Variants in RTN1 observed in about 807,000 individuals in gnomAD.
The protein encoded by RTN1 is reticulon-1.
In RTN1, 25 loss-of-function variants were observed where a neutral mutation model predicts 65.5. The ratio of observed to expected loss-of-function variants is 0.38; its 90% CI spans 0.28 to 0.53. The LOEUF (loss-of-function observed/expected upper bound fraction) is 0.53. RTN1 is among the 20% of genes least tolerant of loss of function. The pLI, the probability that RTN1 is intolerant of heterozygous loss-of-function variation, is 0.79. For synonymous variants in RTN1, 471 were observed against 447.6 expected (o/e 1.05, Z -0.66); for missense variants, 983 against 1,025.4 (o/e 0.96, Z 0.57).
At chr14:59,751,897 C>T (rs1024909632) in intron 1 of RTN1, among the ~76,000 whole-genome samples, 11 of 152,180 alleles carry the variant, frequency 7.2e-5, no homozygotes, top group Non-Finnish European at 1.0e-4. Flanking sequence ...ATGTGAATTC[C>T]ACCTGGTCAC....
intron 1 of RTN1, among the ~76,000 whole-genome samples, chr14:59,763,415 C>T (rs919341763): frequency 1.3e-5 from 2 of 151,992 alleles, no homozygotes; most frequent in Admixed American, 6.6e-5. Context: ...CAGGAAACTA[C>T]ATCAAGATTT....
intron 1 of RTN1, among the ~76,000 whole-genome samples, chr14:59,793,653 C>CAG (rs1886390558): frequency 6.6e-6 from 1 of 151,934 alleles, no homozygotes; most frequent in Non-Finnish European, 1.5e-5. Context: ...CACACACACA[C>CAG]ACACACACAC....
chr14:59,870,762 C>T lies in RTN1; in HGVS notation c.-132G>A, dbSNP rs1887890293. 2 of 1,016,938 alleles carry T rather than the reference C, an allele frequency of 2.0e-6. No individual in the cohort carries two copies. Among genetic ancestry groups the T allele is most frequent in the African/African-American group, 1.7e-5 (1 of 59,188 alleles). The allele number at this position is 1,016,938 out of a possible 1,614,324, so 63.0% of individuals were successfully genotyped here. On this transcript the variant is annotated 5_prime_UTR_variant, in exon 1 of 9. Transcript: ENST00000267484. The surrounding 1 kb of genome is among the most constrained non-coding windows in gnomAD (Gnocchi z 5.1). ...AGCTGCGGTGTCTCAGCGTCGCCGC[C>T]GCCTCTGCTGCAACTCCGCCGAGCC...
chr14:59,606,568 A>G (rs1881761363), intron 4 of RTN1, among the ~76,000 whole-genome samples: 1 of 152,100 alleles, frequency 6.6e-6, no homozygotes. Flanking sequence ...CCTCAACAGA[A>G]TCCTACCCTG....
chr14:59,863,380 T>C (rs1887743314), intron 1 of RTN1, among the ~76,000 whole-genome samples: 1 of 152,316 alleles, frequency 6.6e-6, no homozygotes, highest in Non-Finnish European at 1.5e-5. Context: ...CCCGGCACTT[T>C]GAATGACTTC....
intron 1 of RTN1, among the ~76,000 whole-genome samples, chr14:59,799,877 G>C (rs140314010): frequency 9.5e-4 from 144 of 152,286 alleles, no homozygotes; most frequent in African/African-American, 3.3e-3. Context: ...GAGTTTGACA[G>C]ACAAAGAGGT....
intron 1 of RTN1, among the ~76,000 whole-genome samples, chr14:59,858,987 T>C (rs1181199053): frequency 2.6e-5 from 4 of 152,144 alleles, no homozygotes; most frequent in Non-Finnish European, 5.9e-5. Context: ...AAGAAGCAAA[T>C]ATGTCACATT....
rs188002128 is a variant in RTN1, at chr14:59,746,315, A to C, written c.408T>G (p.Ile136Met). ...ILQKENGHVT[I>M]SESPEELGTP... ...TACCCAGCTCCTCAGGGCTCTCTGA[A>C]ATGGTGACGTGGCCATTTTCCTTCT... is the stretch of plus-strand genomic sequence containing the variant. Residue 136 changes from isoleucine (I) to methionine (M), a missense_variant, in exon 2 of 9, where the codon ATT (isoleucine) becomes ATG (methionine). Ile to Met is a conservative substitution (Grantham distance 10). Around this residue, in one of 2 missense-constraint regions of RTN1, gnomAD observed 818 missense variants for 801.8 expected, o/e 1.02. Transcript: ENST00000267484. 53 of 1,614,160 alleles carry C rather than the reference A, an allele frequency of 3.3e-5. No homozygotes were observed. The highest frequency in any genetic ancestry group is 4.4e-5 in the Non-Finnish European group (52 of 1,180,000).
chr14:59,764,887 C>A (rs982565616), intron 1 of RTN1, among the ~76,000 whole-genome samples: 2 of 152,038 alleles, frequency 1.3e-5, no homozygotes, highest in South Asian at 4.2e-4. Flanking sequence ...AGTCAGTATT[C>A]CATGAAACGA....
chr14:59,732,865 A>G (rs1479768814), intron 2 of RTN1, among the ~76,000 whole-genome samples: 1 of 152,154 alleles, frequency 6.6e-6, no homozygotes, highest in Non-Finnish European at 1.5e-5. Flanking sequence ...GATAAGGCCC[A>G]CTGGCTCGGA....
chr14:59,720,870 A>T (rs1287281333), intron 3 of RTN1, among the ~76,000 whole-genome samples: 2 of 152,188 alleles, frequency 1.3e-5, no homozygotes, highest in Non-Finnish European at 2.9e-5. Flanking sequence ...CAGCAGCTTC[A>T]GTGGAGGGGC....
chr14:59,666,142 T>C (rs1239079295), intron 3 of RTN1, among the ~76,000 whole-genome samples: 1 of 152,184 alleles, frequency 6.6e-6, no homozygotes, highest in Non-Finnish European at 1.5e-5. Context: ...ATATACATTA[T>C]TCTCAGCATC....
intron 3 of RTN1, among the ~76,000 whole-genome samples, chr14:59,640,605 G>A (rs954400249): frequency 6.6e-6 from 1 of 152,106 alleles, no homozygotes. Context: ...GTGAGCCACC[G>A]TGCCTGGCCT....
intron 2 of RTN1, among the ~76,000 whole-genome samples, chr14:59,744,496 G>A (rs1885176451): frequency 6.6e-6 from 1 of 152,194 alleles, no homozygotes; most frequent in African/African-American, 2.4e-5. Context: ...CATGAGTGCT[G>A]TTTAGTATCC....
At chr14:59,838,180 T>C (rs1209315015) in intron 1 of RTN1, among the ~76,000 whole-genome samples, 6 of 152,244 alleles carry the variant, frequency 3.9e-5, no homozygotes, top group Admixed American at 6.5e-5. Flanking sequence ...TAGCTCCCAC[T>C]TATAAGTGGG....
rs1887868775 is a variant in RTN1, at chr14:59,870,117, G to A, written c.241+273C>T. On this transcript the variant is annotated intron_variant, in intron 1 of 8. Coordinates refer to ENST00000267484, the MANE Select transcript of RTN1 (RefSeq NM_021136.3). The surrounding 1 kb of genome is among the most constrained non-coding windows in gnomAD (Gnocchi z 5.1). ...GCCAGCAGCCAGAATGCTGCTGTTTGCCTATGAGAACAATTTTTAAAGCGG... is the reference window on the plus strand; with the variant it reads ...GCCAGCAGCCAGAATGCTGCTGTTTACCTATGAGAACAATTTTTAAAGCGG... 6.6e-6 allele frequency among the ~76,000 whole-genome samples: 1 copy of A among 152,226 alleles called. No homozygotes were observed. The highest frequency in any genetic ancestry group is 1.5e-5 in the Non-Finnish European group (1 of 68,034).
chr14:59,649,783 T>G (rs539870062), intron 3 of RTN1, among the ~76,000 whole-genome samples: 1 of 152,270 alleles, frequency 6.6e-6, no homozygotes, highest in Non-Finnish European at 1.5e-5. Flanking sequence ...GAAATAGGAA[T>G]GCTTTTACAC....
Position 59,829,561 on chromosome 14 carries a change from T to C in RTN1, c.241+40829A>G, listed in dbSNP as rs149052449. Among the ~76,000 whole-genome samples the C allele has an allele frequency of 9.8e-3, 1,500 of 152,310 alleles. 9 individuals carry two copies. Among genetic ancestry groups the C allele is most frequent in the Non-Finnish European group, 0.017 (1,143 of 68,026 alleles). On this transcript the variant is annotated intron_variant, in intron 1 of 8. Coordinates refer to ENST00000267484, the MANE Select transcript of RTN1 (RefSeq NM_021136.3). The surrounding 1 kb of genome is among the most constrained non-coding windows in gnomAD (Gnocchi z 4.3). ...ATCTATACTTACTGCACATTAAAAA[T>C]ATAAATAGATGGCAGACAGCTAGAC...
At chr14:59,613,608 T>C (rs1203195658) in intron 3 of RTN1, among the ~76,000 whole-genome samples, 1 of 152,138 alleles carries the variant, frequency 6.6e-6, no homozygotes, top group Non-Finnish European at 1.5e-5. Context: ...TATAGATATA[T>C]TTAAAAGGCC....
Sources: gnomAD v4.1 joint callset for allele counts (sites outside exome capture counted in the v4.1 genomes callset) on GRCh38, gnomAD v4.1.1 for gene constraint, gnomAD v4.1.1 regional missense constraint, Gnocchi (gnomAD v3.1) non-coding constraint, MANE v1.5 for transcripts, NCBI Gene and HGNC (gene_info 2026-07-23, HGNC 2026-07-21) for gene names.